ACTR1B: variants seen among roughly 807,000 people sequenced by gnomAD.
ACTR1B encodes the protein beta-centractin.
In ACTR1B, 34 loss-of-function variants were observed where a neutral mutation model predicts 49.4. The observed-to-expected ratio is 0.69, with a 90% CI of 0.52 to 0.92. The LOEUF is 0.92. Among genes scored for constraint, ACTR1B ranks in the 40% least tolerant of loss-of-function variants. The pLI is 0.00. For missense variants in ACTR1B, 471 were observed against 522.4 expected (o/e 0.90, Z 0.96); for synonymous variants, 207 against 207.8 (o/e 1.00, Z 0.03).
rs1013388708 is a variant in ACTR1B, at chr2:97,659,630, G to A, written c.190-153C>T. On this transcript the variant is annotated intron_variant, in intron 3 of 10. Transcript: ENST00000289228. The surrounding 1 kb of genome is among the most constrained non-coding windows in gnomAD (Gnocchi z 4.0). ...CACTGGGTGTCCCAGGGTCTGTGGC[G>A]GGTCCTGAACTCAGCATGGGCTCAC... 1.1e-4 allele frequency: 139 copies of A among 1,213,984 alleles called. No individual in the cohort carries two copies. The East Asian group carries it at 2.7e-3, about 24-fold the overall frequency. The allele number at this position is 1,213,984 out of a possible 1,614,324, so 75.2% of individuals were successfully genotyped here. A position where few individuals can be genotyped will look rare whatever the true frequency, so the allele number is the denominator to read the frequency against.
chr2:97,656,787 G>T lies in ACTR1B; in HGVS notation c.*71C>A. On this transcript the variant is annotated 3_prime_UTR_variant, in exon 11 of 11. Coordinates refer to ENST00000289228, the MANE Select transcript of ACTR1B (RefSeq NM_005735.4). ...ACCCTAAGCCTAGTATACGAGCCAAGACCAAAAAGGGTTAAAGGCTCTGTC... is the reference window on the plus strand; with the variant it reads ...ACCCTAAGCCTAGTATACGAGCCAATACCAAAAAGGGTTAAAGGCTCTGTC... 7.4e-7 allele frequency: 1 copy of T among 1,357,808 alleles called. No homozygotes were observed. Among genetic ancestry groups the T allele is most frequent in the Non-Finnish European group, 1.0e-6 (1 of 972,514 alleles). 84.1% of individuals were successfully genotyped at this position (1,357,808 alleles called of 1,614,324 possible).
chr2:97,662,905 C>T (rs1675060223), intron 1 of ACTR1B, among the ~76,000 whole-genome samples: 1 of 152,160 alleles, frequency 6.6e-6, no homozygotes, highest in Admixed American at 6.5e-5. Flanking sequence ...ATTAAACATC[C>T]CCTGCTGTGA....
chr2:97,660,039 C>T (rs1488321159), intron 3 of ACTR1B: 1 of 182,226 alleles, frequency 5.5e-6, no homozygotes, highest in Non-Finnish European at 1.2e-5. Context: ...ACCCCATCTG[C>T]GAGACCCCCA....
intron 1 of ACTR1B, 54 bp downstream of exon 1, chr2:97,663,789 G>T (rs1280339120): frequency 1.6e-6 from 2 of 1,246,022 alleles, no homozygotes; most frequent in African/African-American, 1.6e-5. Context: ...CTGCGCCGCC[G>T]CGTGCGCCCC....
intron 1 of ACTR1B, 103 bp downstream of exon 1, chr2:97,663,740 G>A: frequency 3.0e-6 from 2 of 670,688 alleles, no homozygotes; most frequent in Non-Finnish European, 4.0e-6. Context: ...CGGCCACGCA[G>A]TGAGCGGAGG....
Position 97,658,800 on chromosome 2 carries a change from A to G in ACTR1B, c.440+79T>C, listed in dbSNP as rs1174431169. ...TCATCAAGGGGCTGTTTTTCCAGGG[A>G]AGTCAGACCCTGGTCATGGCAAGCA... On this transcript the variant is annotated intron_variant, in intron 5 of 10. Coordinates refer to ENST00000289228, the MANE Select transcript of ACTR1B (RefSeq NM_005735.4). The surrounding 1 kb of genome is among the most constrained non-coding windows in gnomAD (Gnocchi z 5.9). The G allele has an allele frequency of 7.5e-6, 12 of 1,605,292 alleles. No individual in the cohort carries two copies. The highest frequency in any genetic ancestry group is 1.0e-5 in the Non-Finnish European group (12 of 1,173,608).
Position 97,658,337 on chromosome 2 carries a change from C to A in ACTR1B, c.658-21G>T. On this transcript the variant is annotated intron_variant, in intron 6 of 10. Coordinates refer to ENST00000289228, the MANE Select transcript of ACTR1B (RefSeq NM_005735.4). The surrounding 1 kb of genome is among the most constrained non-coding windows in gnomAD (Gnocchi z 5.9). ...GCTCGCTGCGGGGACAGGGACACAG[C>A]CCTCAGAAGGCTGCACCTGGGACAC... The A allele has an allele frequency of 6.2e-7, 1 of 1,614,118 alleles. No homozygotes were observed.
chr2:97,660,269 T>A (rs998438680), intron 3 of ACTR1B, among the ~76,000 whole-genome samples: 2 of 152,258 alleles, frequency 1.3e-5, no homozygotes, highest in African/African-American at 2.4e-5. Context: ...GGCGGCCCCA[T>A]GGCCCTCATT....
chr2:97,656,060 G>T lies in ACTR1B; in HGVS notation c.*798C>A, dbSNP rs1480979499. On this transcript the variant is annotated 3_prime_UTR_variant, in exon 11 of 11. Coordinates refer to ENST00000289228, the MANE Select transcript of ACTR1B (RefSeq NM_005735.4). ...TACATATCTGAGAGAGGGAGGTGGGGCCCTGGCCACAGCAAAAGTGACGAC... is the reference window on the plus strand; with the variant it reads ...TACATATCTGAGAGAGGGAGGTGGGTCCCTGGCCACAGCAAAAGTGACGAC... 1 of 152,188 alleles carries T rather than the reference G, an allele frequency of 6.6e-6. No homozygotes were observed. Among genetic ancestry groups the T allele is most frequent in the Admixed American group, 6.5e-5 (1 of 15,282 alleles). The allele number at this position is 152,188 out of a possible 1,614,324, so 9.4% of individuals were successfully genotyped here. A position where few individuals can be genotyped will look rare whatever the true frequency, so the allele number is the denominator to read the frequency against.
chr2:97,660,463 G>T, intron 3 of ACTR1B, 108 bp downstream of exon 3: 1 of 1,108,566 alleles, frequency 9.0e-7, no homozygotes, highest in Non-Finnish European at 1.3e-6. Context: ...CCCAGCTGGA[G>T]CCTGGAGGAG....
Position 97,659,364 on chromosome 2 carries a change from G to C in ACTR1B, c.303C>G (p.Thr101=), listed in dbSNP as rs567294917. ...GCAGCCGCCACACCTCCTCCGAGAA[G>C]GTCTGCAGCTGATCCTTGGAGTAGA... The part of the protein sequence containing the change: ...QYVYSKDQLQ[T]FSEEHPVLLT... The change falls in exon 4 of 11, where the codon ACC becomes ACG. Residue 101 remains threonine (T), a synonymous_variant. Coordinates refer to ENST00000289228, the MANE Select transcript of ACTR1B (RefSeq NM_005735.4). This position sits in a 1 kb window ranked among gnomAD's most constrained non-coding sequence, Gnocchi z 4.0. 8.1e-6 allele frequency: 13 copies of C among 1,614,024 alleles called. No individual in the cohort carries two copies. The South Asian group carries it at 1.4e-4, about 18-fold the overall frequency.
intron 2 of ACTR1B, among the ~76,000 whole-genome samples, 173 bp from the exon 3 acceptor site, chr2:97,660,819 G>C (rs1036196489): frequency 1.2e-4 from 19 of 152,188 alleles, no homozygotes; most frequent in Non-Finnish European, 1.5e-5. Flanking sequence ...GCTAGAGAGG[G>C]GGCCTAGGCA....
chr2:97,663,131 A>AG lies in ACTR1B; in HGVS notation c.48+711dup, dbSNP rs546033881. Among the ~76,000 whole-genome samples the AG allele has an allele frequency of 2.6e-3, 395 of 152,308 alleles. 2 individuals are homozygous for AG. The highest frequency in any genetic ancestry group is 4.3e-3 in the Non-Finnish European group (291 of 68,022). ...AGCTCGGAAGCCAGAAATCTTCCTA[A>AG]GGCAGGTGAAAGCAAGCCGAGCCCC... On this transcript the variant is annotated intron_variant, in intron 1 of 10. Transcript: ENST00000289228.
intron 2 of ACTR1B, among the ~76,000 whole-genome samples, chr2:97,661,176 A>G (rs1396458273): frequency 6.6e-6 from 1 of 152,238 alleles, no homozygotes; most frequent in Admixed American, 6.5e-5. Context: ...AATTATACCC[A>G]TGCAGTCAGA....
intron 1 of ACTR1B, among the ~76,000 whole-genome samples, 155 bp from the exon 2 acceptor site, chr2:97,662,101 T>G (rs1418140963): frequency 6.6e-6 from 1 of 152,054 alleles, no homozygotes; most frequent in Non-Finnish European, 1.5e-5. Context: ...GGTTCAAGAT[T>G]GGGGGCAATT....
rs769565201 is a variant in ACTR1B, at chr2:97,658,034, C to T, written c.834G>A (p.Val278=). The T allele has an allele frequency of 3.7e-6, 6 of 1,614,154 alleles. No homozygotes were observed. Among genetic ancestry groups the T allele is most frequent in the Non-Finnish European group, 5.1e-6 (6 of 1,180,042 alleles). Residue 278 remains valine, a synonymous_variant, in exon 8 of 11, where the codon GTG becomes GTA. Transcript: ENST00000289228. The surrounding 1 kb of genome is among the most constrained non-coding windows in gnomAD (Gnocchi z 5.9). The part of the protein sequence containing the change: ...VGDESEGLHE[V]VAFAIHKSDM... Reference sequence around the variant, plus strand: ...CGGACTTGTGTATGGCGAAGGCCACCACCTCATGGAGCCCCTCACTCTCAT... The same window carrying T: ...CGGACTTGTGTATGGCGAAGGCCACTACCTCATGGAGCCCCTCACTCTCAT...
chr2:97,660,480 G>A (rs969978920), intron 3 of ACTR1B, 91 bp downstream of exon 3: 41 of 1,308,714 alleles, frequency 3.1e-5, no homozygotes, highest in Non-Finnish European at 3.5e-5. Context: ...GGAGGTACCC[G>A]GGAGGTCACC....
At chr2:97,663,325 C>A (rs1573187167) in intron 1 of ACTR1B, among the ~76,000 whole-genome samples, 1 of 152,214 alleles carries the variant, frequency 6.6e-6, no homozygotes, top group Non-Finnish European at 1.5e-5. Context: ...AGGAGAAAGT[C>A]AAAGTAGCCA....
rs1313606905 is a variant in ACTR1B, at chr2:97,659,338, GGCA to G, written c.315+11_315+13del. 1 of 1,613,588 alleles carries G rather than the reference GGCA, an allele frequency of 6.2e-7. No homozygotes were observed. Among genetic ancestry groups the G allele is most frequent in the Non-Finnish European group, 8.5e-7 (1 of 1,179,980 alleles). On this transcript the variant is annotated intron_variant, in intron 4 of 10. Coordinates refer to ENST00000289228, the MANE Select transcript of ACTR1B (RefSeq NM_005735.4). The surrounding 1 kb of genome is among the most constrained non-coding windows in gnomAD (Gnocchi z 4.0). ...AGGAGAATGCAGAGCATGCAGGAGG[GGCA>G]GCCGCCACACCTCCTCCGAGAAGGT...
Sources: allele counts gnomAD v4.1 joint callset (sites outside exome capture counted in the v4.1 genomes callset), GRCh38; gene constraint gnomAD v4.1.1; non-coding constraint Gnocchi (gnomAD v3.1); transcripts MANE v1.5; gene names NCBI Gene and HGNC (gene_info 2026-07-23, HGNC 2026-07-21).